OXR1: variants seen among roughly 807,000 people sequenced by gnomAD.
OXR1 encodes oxidation resistance 1.
Under a neutral mutation model 104.6 loss-of-function variants are expected in OXR1, and 41 were observed. That is an observed-to-expected ratio of 0.39 (90% CI 0.31 to 0.51). OXR1 has a LOEUF of 0.51. Among genes scored for constraint, OXR1 ranks in the 20% least tolerant of loss-of-function variants. OXR1 has a pLI of 0.77. For synonymous variants in OXR1, 348 were observed against 348.4 expected (o/e 1.00, Z 0.01); for missense variants, 955 against 1,031.9 (o/e 0.93, Z 1.02).
At chr8:106,547,779 G>C (rs1047747424) in intron 3 of OXR1, among the ~76,000 whole-genome samples, 1 of 151,984 alleles carries the variant, frequency 6.6e-6, no homozygotes, top group African/African-American at 2.4e-5. Context: ...CTGGGATTAC[G>C]GTTGTGAGCC....
chr8:106,317,818 G>C (rs987539894), intron 1 of OXR1, among the ~76,000 whole-genome samples: 3 of 151,466 alleles, frequency 2.0e-5, no homozygotes, highest in African/African-American at 7.3e-5. Context: ...AAAAAGGAGT[G>C]GGAGAGTTTG....
At chr8:106,338,837 AG>A (rs907251722) in intron 1 of OXR1, among the ~76,000 whole-genome samples, 11 of 152,078 alleles carry the variant, frequency 7.2e-5, no homozygotes, top group African/African-American at 2.7e-4. Flanking sequence ...ATTTATACCA[AG>A]AATTTCTCTC....
At chr8:106,577,744 C>G (rs1022558821) in intron 3 of OXR1, among the ~76,000 whole-genome samples, 1 of 152,038 alleles carries the variant, frequency 6.6e-6, no homozygotes, top group African/African-American at 2.4e-5. Flanking sequence ...TCCTGCAACC[C>G]AAGTTTCTGC....
Position 106,359,594 on chromosome 8 carries a change from C to T in OXR1, c.-20C>T, listed in dbSNP as rs1283783351. On this transcript the variant is annotated 5_prime_UTR_variant, in exon 2 of 17. Coordinates refer to ENST00000517566, the MANE Select transcript of OXR1 (RefSeq NM_001198533.2). ...TTCCTGTTCTGGAATCGAGAGAAGACTCCTCAACAAGTTGCTGCAATGTCT... is the reference window on the plus strand; with the variant it reads ...TTCCTGTTCTGGAATCGAGAGAAGATTCCTCAACAAGTTGCTGCAATGTCT... The T allele has an allele frequency of 6.5e-7, 1 of 1,545,876 alleles. No individual in the cohort carries two copies. Among genetic ancestry groups the T allele is most frequent in the Admixed American group, 2.0e-5 (1 of 50,986 alleles).
At chr8:106,655,401 T>C (rs1302337143) in intron 3 of OXR1, among the ~76,000 whole-genome samples, 1 of 151,532 alleles carries the variant, frequency 6.6e-6, no homozygotes, top group Non-Finnish European at 1.5e-5. Context: ...ATGTGGCTGA[T>C]AGAGGAAGGA....
chr8:106,584,080 T>C (rs1241093317), intron 3 of OXR1, among the ~76,000 whole-genome samples: 1 of 151,710 alleles, frequency 6.6e-6, no homozygotes, highest in Non-Finnish European at 1.5e-5. Context: ...ATAGATTGTA[T>C]CCAGGAAACC....
intron 2 of OXR1, among the ~76,000 whole-genome samples, chr8:106,364,922 C>T (rs1387740360): frequency 6.6e-6 from 1 of 152,110 alleles, no homozygotes; most frequent in African/African-American, 2.4e-5. Context: ...TGCTAAATTG[C>T]AGGCTCTCAG....
chr8:106,299,190 C>G (rs1037208260), intron 1 of OXR1, among the ~76,000 whole-genome samples: 20 of 151,826 alleles, frequency 1.3e-4, no homozygotes, highest in African/African-American at 4.8e-4. Flanking sequence ...TGGACTGAGG[C>G]TGACATTGTA....
intron 2 of OXR1, among the ~76,000 whole-genome samples, chr8:106,387,752 A>G (rs1360980602): frequency 1.3e-5 from 2 of 152,218 alleles, no homozygotes; most frequent in African/African-American, 4.8e-5. Context: ...CAGTCATACA[A>G]GTGCATTCGA....
chr8:106,518,891 A>C (rs1258752109), intron 2 of OXR1, 52 bp from the exon 3 acceptor site: 1 of 1,341,072 alleles, frequency 7.5e-7, no homozygotes. Context: ...AACATGGAAC[A>C]AATGTGTCTC....
chr8:106,635,601 C>T (rs570219168), intron 3 of OXR1, among the ~76,000 whole-genome samples: 2 of 152,028 alleles, frequency 1.3e-5, no homozygotes, highest in Admixed American at 6.6e-5. Context: ...TGCACCACCA[C>T]ACCCAGCTAA....
At chr8:106,675,759 A>G (rs1304095446) in intron 3 of OXR1, among the ~76,000 whole-genome samples, 1 of 152,078 alleles carries the variant, frequency 6.6e-6, no homozygotes, top group Non-Finnish European at 1.5e-5. Flanking sequence ...GTGACAATGT[A>G]TATTCTGTTG....
chr8:106,339,814 T>G (rs1185377120), intron 1 of OXR1, among the ~76,000 whole-genome samples: 1 of 151,956 alleles, frequency 6.6e-6, no homozygotes, highest in Non-Finnish European at 1.5e-5. Context: ...TACTACTGCT[T>G]TCTCCATTTT....
At chr8:106,480,145 C>T (rs1337604526) in intron 2 of OXR1, among the ~76,000 whole-genome samples, 1 of 151,900 alleles carries the variant, frequency 6.6e-6, no homozygotes, top group Non-Finnish European at 1.5e-5. Flanking sequence ...AATCCTCAAG[C>T]TATATGTGAT....
At chr8:106,492,093 A>G (rs937901025) in intron 2 of OXR1, among the ~76,000 whole-genome samples, 1 of 152,210 alleles carries the variant, frequency 6.6e-6, no homozygotes, top group Admixed American at 6.5e-5. Context: ...CAACTGAAAG[A>G]TAACTTTTGC....
At chr8:106,473,752 G>A (rs1475647569) in intron 2 of OXR1, among the ~76,000 whole-genome samples, 1 of 151,018 alleles carries the variant, frequency 6.6e-6, no homozygotes, top group Non-Finnish European at 1.5e-5. Flanking sequence ...TTGAGCATTT[G>A]CGGTCTTGTC....
chr8:106,640,576 T>C (rs1823546778), intron 3 of OXR1, among the ~76,000 whole-genome samples: 1 of 152,044 alleles, frequency 6.6e-6, no homozygotes, highest in African/African-American at 2.4e-5. Context: ...ATCCTCTCTT[T>C]AATAATAATA....
intron 2 of OXR1, among the ~76,000 whole-genome samples, chr8:106,382,991 CT>C (rs374929934): frequency 0.1 from 15,083 of 143,820 alleles, 812 homozygotes; most frequent in Middle Eastern, 0.15. Flanking sequence ...AGTACTTTTT[CT>C]TTTTTTTTTT....
At chr8:106,694,721 T>TG (rs1829717859) in intron 7 of OXR1, among the ~76,000 whole-genome samples, 3 of 102,966 alleles carry the variant, frequency 2.9e-5, no homozygotes, top group Admixed American at 2.4e-4. Flanking sequence ...TATAAATATA[T>TG]TTTTATATAT....
Sources: gnomAD v4.1 joint callset for allele counts (sites outside exome capture counted in the v4.1 genomes callset) on GRCh38, gnomAD v4.1.1 for gene constraint, MANE v1.5 for transcripts, NCBI Gene and HGNC (gene_info 2026-07-23, HGNC 2026-07-21) for gene names.